SUN1: variants seen among roughly 807,000 people sequenced by gnomAD.
SUN1 encodes Sad1 and UNC84 domain containing 1, also known as SUN domain-containing protein 1.
Under a neutral mutation model 103.2 loss-of-function variants are expected in SUN1, and 61 were observed. The ratio of observed to expected loss-of-function variants is 0.59; its 90% CI spans 0.48 to 0.73. The LOEUF is 0.73. Ranked by LOEUF, SUN1 falls within the 30% of genes least tolerant of loss-of-function variation. SUN1 has a pLI of 0.00. For synonymous variants in SUN1, 490 were observed against 425.7 expected (o/e 1.15, Z -1.86); for missense variants, 1,052 against 1,034.6 (o/e 1.02, Z -0.23).
intron 16 of SUN1, among the ~76,000 whole-genome samples, chr7:867,634 G>T (rs1413620032): frequency 2.0e-5 from 3 of 152,210 alleles, no homozygotes; most frequent in Admixed American, 6.5e-5. Flanking sequence ...CACTGGAGGG[G>T]CAGACTTCAT....
At chr7:827,539 G>A (rs370743133), upstream of SUN1, among the ~76,000 whole-genome samples, 7 of 143,918 alleles carry the variant, frequency 4.9e-5, no homozygotes, top group East Asian at 6.4e-4. Context: ...GCGCAATCTC[G>A]GCTCACTGCA....
At chr7:825,938 C>T (rs977389088) in intron 1 of SUN1, among the ~76,000 whole-genome samples, 26 of 151,076 alleles carry the variant, frequency 1.7e-4, no homozygotes, top group African/African-American at 6.1e-4. Flanking sequence ...TAATTATTTA[C>T]AGTGGACTTA....
At chr7:862,165 C>G (rs1322715588) in intron 15 of SUN1, among the ~76,000 whole-genome samples, 1 of 152,192 alleles carries the variant, frequency 6.6e-6, no homozygotes, top group Non-Finnish European at 1.5e-5. Context: ...AAATCAAAAT[C>G]TTGGTTTTCT....
intron 1 of SUN1, among the ~76,000 whole-genome samples, chr7:836,008 T>A (rs1802713939): frequency 6.6e-6 from 1 of 152,144 alleles, no homozygotes; most frequent in Admixed American, 6.5e-5. Context: ...AACTCAGCCA[T>A]GGAGGCCGGG....
At chr7:832,745 T>G in intron 1 of SUN1, 144 bp downstream of exon 1, 4 of 701,886 alleles carry the variant, frequency 5.7e-6, no homozygotes, top group Non-Finnish European at 9.8e-6. Flanking sequence ...CTGTATCTTA[T>G]GGCTTTAGAG....
chr7:817,411 G>A, intron 1 of SUN1: 1 of 1,535,548 alleles, frequency 6.5e-7, no homozygotes. Flanking sequence ...ATGGTGTCTG[G>A]TGCAAAATAA....
intron 12 of SUN1, among the ~76,000 whole-genome samples, chr7:857,371 GA>G (rs1828513310): frequency 6.6e-6 from 1 of 152,026 alleles, no homozygotes; most frequent in South Asian, 2.1e-4. Context: ...GTTGATCTGG[GA>G]ATGGGCTTTT....
In SUN1 at chr7:872,458, T is replaced by C; in HGVS notation, c.2149-12T>C. On this transcript the variant is annotated splice_polypyrimidine_tract_variant and intron_variant, in intron 17 of 18. Transcript: ENST00000401592. ...TCCATTCGTTCATAATTGTGTATGG[T>C]CTTGTTTTCAGGGATTAGAAAATGA... 1 of 1,588,250 alleles carries C rather than the reference T, an allele frequency of 6.3e-7. No homozygotes were observed. Among genetic ancestry groups the C allele is most frequent in the Non-Finnish European group, 8.6e-7 (1 of 1,166,056 alleles).
At chr7:857,998 A>G in intron 13 of SUN1, 41 bp downstream of exon 13, 1 of 1,511,434 alleles carries the variant, frequency 6.6e-7, no homozygotes, top group African/African-American at 1.4e-5. Context: ...TATAATAGAA[A>G]GTAAAAGAAA....
chr7:866,441 A>G (rs1333512933), intron 16 of SUN1, among the ~76,000 whole-genome samples: 3 of 152,076 alleles, frequency 2.0e-5, no homozygotes, highest in African/African-American at 7.2e-5. Flanking sequence ...GTTGAGAGAC[A>G]ATAGGTGGGG....
chr7:860,457 G>C, intron 14 of SUN1, 75 bp downstream of exon 14: 1 of 1,570,262 alleles, frequency 6.4e-7, no homozygotes, highest in Non-Finnish European at 8.6e-7. Context: ...GCTGTGAGGT[G>C]TGGATGTTGA....
chr7:832,455 C>T (rs776456724), upstream of SUN1: 17 of 1,499,468 alleles, frequency 1.1e-5, no homozygotes, highest in South Asian at 1.1e-4. Context: ...GGAATGCGCT[C>T]GATTTCCTGC....
chr7:871,912 C>T (rs1841992572), intron 17 of SUN1, among the ~76,000 whole-genome samples: 2 of 152,242 alleles, frequency 1.3e-5, no homozygotes, highest in East Asian at 1.9e-4. Flanking sequence ...AGCCCAGTCA[C>T]ACTGTTGTGC....
At position 853,630 on chromosome 7, in the gene SUN1, C is replaced by A; in HGVS notation, c.1263+12C>A. On this transcript the variant is annotated intron_variant, in intron 10 of 18. Transcript: ENST00000401592. ...AGCCCCCGAGGGAGGTGGGTGCTGC[C>A]GGGCTACCAGGCTCCATGGTGACAC... The A allele has an allele frequency of 6.3e-7, 1 of 1,598,150 alleles. No homozygotes were observed. Among genetic ancestry groups the A allele is most frequent in the South Asian group, 1.1e-5 (1 of 90,844 alleles).
At chr7:820,383 G>T (rs991475514) in intron 1 of SUN1, among the ~76,000 whole-genome samples, 2 of 152,136 alleles carry the variant, frequency 1.3e-5, no homozygotes, top group African/African-American at 2.4e-5. Flanking sequence ...ATTGTTCATT[G>T]CTAGTGTGTA....
chr7:852,657 C>G lies in SUN1; in HGVS notation c.900C>G (p.Phe300Leu), dbSNP rs377260468. 165 of 1,614,068 alleles carry G rather than the reference C, an allele frequency of 1.0e-4. No homozygotes were observed. Among genetic ancestry groups the G allele is most frequent in the Non-Finnish European group, 1.3e-4 (159 of 1,180,048 alleles). ...TTTTAGTCTTGCTCATCCCACTCTT[C>G]CTTTTACTAGGTAAGTCAAATCTGG... is the stretch of plus-strand genomic sequence containing the variant. The part of the protein sequence containing the change: ...CKFLVLLIPL[F>L]LLLAGLSLRG... The change falls in exon 8 of 19, where the codon TTC (phenylalanine) becomes TTG (leucine). Residue 300 changes from phenylalanine to leucine, a missense_variant. Around this residue, in one of 2 missense-constraint regions of SUN1, gnomAD observed 846 missense variants for 774.5 expected, o/e 1.09. Coordinates refer to ENST00000401592, the MANE Select transcript of SUN1 (RefSeq NM_001130965.3).
At chr7:859,735 G>C (rs1420965564) in intron 13 of SUN1, among the ~76,000 whole-genome samples, 1 of 152,212 alleles carries the variant, frequency 6.6e-6, no homozygotes, top group Non-Finnish European at 1.5e-5. Context: ...CTATAATTTA[G>C]GTTCATTTAT....
chr7:851,572 T>A, intron 6 of SUN1, 90 bp downstream of exon 6: 1 of 1,113,850 alleles, frequency 9.0e-7, no homozygotes, highest in Non-Finnish European at 1.3e-6. Flanking sequence ...AGTAAAAATC[T>A]CATTTAGGCT....
At chr7:817,572 G>C (rs1781975869) in intron 1 of SUN1, 5 of 1,510,666 alleles carry the variant, frequency 3.3e-6, no homozygotes, top group Non-Finnish European at 4.4e-6. Context: ...CTGATTCCGG[G>C]TGGGAAGCTG....
Sources: gnomAD v4.1 joint callset for allele counts (sites outside exome capture counted in the v4.1 genomes callset) on GRCh38, gnomAD v4.1.1 for gene constraint, gnomAD v4.1.1 regional missense constraint, MANE v1.5 for transcripts, NCBI Gene and HGNC (gene_info 2026-07-23, HGNC 2026-07-21) for gene names.